The following AOPEP variants were observed in gnomAD, a reference collection of about 807,000 sequenced individuals.
AOPEP encodes aminopeptidase O (putative).
In AOPEP, 77 loss-of-function variants were observed where a neutral mutation model predicts 98.1. That is an observed-to-expected ratio of 0.78 (90% CI 0.65 to 0.95). The LOEUF (loss-of-function observed/expected upper bound fraction) is 0.95. Ranked by LOEUF, AOPEP falls within the 40% of genes least tolerant of loss-of-function variation. The pLI, the probability that AOPEP is intolerant of heterozygous loss-of-function variation, is 0.00. For missense variants in AOPEP, 1,024 were observed against 1,024.7 expected (o/e 1.00, Z 0.01); for synonymous variants, 346 against 365.3 (o/e 0.95, Z 0.60).
At chr9:94,844,424 A>G (rs1231896133) in intron 5 of AOPEP, among the ~76,000 whole-genome samples, 1 of 152,246 alleles carries the variant, frequency 6.6e-6, no homozygotes. Context: ...GTGCATGTAT[A>G]CATAGTATAA....
chr9:94,929,837 A>T (rs962439814), intron 7 of AOPEP, among the ~76,000 whole-genome samples: 1 of 152,234 alleles, frequency 6.6e-6, no homozygotes, highest in Admixed American at 6.5e-5. Flanking sequence ...AGGGCGGCGC[A>T]TAAGGAGGTG....
intron 13 of AOPEP, among the ~76,000 whole-genome samples, chr9:95,051,391 CT>C (rs887454269): frequency 5.7e-4 from 83 of 145,234 alleles, no homozygotes; most frequent in Admixed American, 4.8e-4. Flanking sequence ...CCCAGCCATA[CT>C]TTTTTTTTTT....
intron 13 of AOPEP, among the ~76,000 whole-genome samples, chr9:95,017,933 T>A (rs1293865059): frequency 6.6e-6 from 1 of 152,264 alleles, no homozygotes; most frequent in African/African-American, 2.4e-5. Flanking sequence ...TTGTAAAGTT[T>A]GAGCTCCAGT....
chr9:94,989,539 A>ACCCAAACATTTGGCTTTGT (rs1213795958), intron 11 of AOPEP, among the ~76,000 whole-genome samples: 1 of 151,064 alleles, frequency 6.6e-6, no homozygotes, highest in African/African-American at 2.4e-5. Flanking sequence ...CTGGCCAAGA[A>ACCCAAACATTTGGCTTTGT]GCTTCTTTTC....
chr9:95,125,147 A>G, the AOPEP span: 1 of 1,614,240 alleles, frequency 6.2e-7, no homozygotes, highest in Non-Finnish European at 8.5e-7. Flanking sequence ...AATAGTGGCT[A>G]TGATTTCCAG....
chr9:95,066,103 A>G (rs184742499), intron 14 of AOPEP, among the ~76,000 whole-genome samples: 214 of 152,342 alleles, frequency 1.4e-3, no homozygotes, highest in Non-Finnish European at 2.6e-3. Flanking sequence ...GATAGGAGAA[A>G]GAATAGAGTT....
the AOPEP span, chr9:95,109,678 C>CA: frequency 6.6e-6 from 1 of 152,248 alleles, no homozygotes; most frequent in Admixed American, 6.5e-5. Context: ...TTCTTCACCT[C>CA]AAGGACATCC....
intron 1 of AOPEP, among the ~76,000 whole-genome samples, chr9:94,733,427 T>A (rs2131733660): frequency 6.6e-6 from 1 of 152,250 alleles, no homozygotes; most frequent in South Asian, 2.1e-4. Flanking sequence ...CTTATGATGG[T>A]TTTAGAAATT....
At chr9:94,805,352 A>C (rs1849028625) in intron 5 of AOPEP, among the ~76,000 whole-genome samples, 3 of 152,188 alleles carry the variant, frequency 2.0e-5, no homozygotes, top group African/African-American at 7.2e-5. Context: ...TCAGATCACC[A>C]CGTTTTCTTC....
intron 7 of AOPEP, chr9:94,931,684 A>G: frequency 7.2e-7 from 1 of 1,385,744 alleles, no homozygotes; most frequent in Non-Finnish European, 1.0e-6. Context: ...GGGCCATAAC[A>G]ACGTAAAAAT....
chr9:95,127,532 C>T, the AOPEP span: 1 of 152,412 alleles, frequency 6.6e-6, no homozygotes, highest in Non-Finnish European at 1.5e-5. Context: ...AAGCGCGGGG[C>T]TCTGACAGGG....
chr9:94,834,135 A>G lies in AOPEP; in HGVS notation c.1364+33133A>G, dbSNP rs576965596. On this transcript the variant is annotated intron_variant, in intron 5 of 16. Coordinates refer to ENST00000375315, the MANE Select transcript of AOPEP (RefSeq NM_001193329.3). ...AGAGGATAGAAATATCTGATAGGCA[A>G]TCAGGAATATCTGCTTACCAATTTA... Among the ~76,000 whole-genome samples the G allele has an allele frequency of 1.2e-3, 182 of 152,324 alleles. 3 individuals carry two copies. Among genetic ancestry groups the G allele is most frequent in the Middle Eastern group, 6.8e-3 (2 of 294 alleles).
chr9:95,103,963 G>A, the AOPEP span, among the ~76,000 whole-genome samples: 471 of 152,302 alleles, frequency 3.1e-3, 2 homozygotes, highest in African/African-American at 0.011. Context: ...AAGATAGAGG[G>A]CAGAGCCTGG....
At chr9:94,895,114 A>G (rs1018418604) in intron 5 of AOPEP, among the ~76,000 whole-genome samples, 1 of 151,898 alleles carries the variant, frequency 6.6e-6, no homozygotes, top group East Asian at 1.9e-4. Flanking sequence ...TGGCTCACAC[A>G]TGTAATCCCA....
chr9:95,033,103 A>G (rs1314329113), intron 13 of AOPEP, among the ~76,000 whole-genome samples: 1 of 152,206 alleles, frequency 6.6e-6, no homozygotes, highest in Non-Finnish European at 1.5e-5. Context: ...CCAGCTAAGA[A>G]TAGCTCCTGT....
intron 5 of AOPEP, among the ~76,000 whole-genome samples, chr9:94,862,710 A>G (rs1222763728): frequency 6.6e-6 from 1 of 151,998 alleles, no homozygotes; most frequent in Non-Finnish European, 1.5e-5. Flanking sequence ...CCCACTTGCA[A>G]TCACACTGCA....
chr9:94,764,610 T>C (rs2132586419), intron 2 of AOPEP, among the ~76,000 whole-genome samples: 1 of 152,302 alleles, frequency 6.6e-6, no homozygotes, highest in African/African-American at 2.4e-5. Context: ...TTTGTGCTAC[T>C]GCACTCCAGC....
At chr9:94,966,665 T>C (rs1459127798) in intron 9 of AOPEP, among the ~76,000 whole-genome samples, 1 of 152,246 alleles carries the variant, frequency 6.6e-6, no homozygotes, top group African/African-American at 2.4e-5. Context: ...GAGGAAAGGT[T>C]GACACTAGGA....
At chr9:94,961,736 A>G (rs2058854888) in intron 9 of AOPEP, among the ~76,000 whole-genome samples, 1 of 152,172 alleles carries the variant, frequency 6.6e-6, no homozygotes, top group Non-Finnish European at 1.5e-5. Flanking sequence ...AGTGTAAAGT[A>G]TTCATGGAGA....
Sources: gnomAD v4.1 joint callset for allele counts (sites outside exome capture counted in the v4.1 genomes callset) on GRCh38, gnomAD v4.1.1 for gene constraint, MANE v1.5 for transcripts, NCBI Gene and HGNC (gene_info 2026-07-23, HGNC 2026-07-21) for gene names.